Variants in STIM2 observed in about 807,000 individuals in gnomAD.
STIM2 encodes stromal interaction molecule 2.
In STIM2, 31 loss-of-function variants were observed where a neutral mutation model predicts 85.8. The observed-to-expected ratio is 0.36, with a 90% CI of 0.27 to 0.49. The LOEUF (loss-of-function observed/expected upper bound fraction) is 0.49, where lower values mean the gene tolerates loss of function less well. Among genes scored for constraint, STIM2 ranks in the 20% least tolerant of loss-of-function variants. STIM2 has a pLI of 0.98. For missense variants in STIM2, 841 were observed against 927.6 expected, an observed-to-expected ratio of 0.91 and a Z score of 1.21; for synonymous variants, 356 against 331.1, an observed-to-expected ratio of 1.08 and a Z score of -0.82.
intron 2 of STIM2, among the ~76,000 whole-genome samples, chr4:26,936,240 C>G (rs1287058192): frequency 1.3e-5 from 2 of 152,182 alleles, no homozygotes; most frequent in Non-Finnish European, 2.9e-5. Flanking sequence ...GTACTTATGT[C>G]CTTATGTCCT....
chr4:26,981,633 C>T (rs574956835), intron 3 of STIM2, among the ~76,000 whole-genome samples: 32 of 152,274 alleles, frequency 2.1e-4, no homozygotes, highest in African/African-American at 7.2e-4. Context: ...GCATTGTACC[C>T]GGTTGTCCTA....
At chr4:26,956,803 A>G (rs1381627230) in intron 2 of STIM2, among the ~76,000 whole-genome samples, 1 of 152,152 alleles carries the variant, frequency 6.6e-6, no homozygotes, top group East Asian at 1.9e-4. Flanking sequence ...GAGGCAGTAT[A>G]TTATGCTGTT....
chr4:26,882,245 C>T (rs1723037951), intron 1 of STIM2, among the ~76,000 whole-genome samples: 1 of 152,052 alleles, frequency 6.6e-6, no homozygotes, highest in African/African-American at 2.4e-5. Flanking sequence ...TAAAAATGTG[C>T]TATCATGAAA....
At chr4:26,981,277 T>G (rs546883853) in intron 3 of STIM2, among the ~76,000 whole-genome samples, 1 of 152,240 alleles carries the variant, frequency 6.6e-6, no homozygotes, top group South Asian at 2.1e-4. Flanking sequence ...AGTCAACAAG[T>G]ATATAGAGTT....
At chr4:26,963,251 TA>T (rs1726551137) in intron 3 of STIM2, among the ~76,000 whole-genome samples, 1 of 152,280 alleles carries the variant, frequency 6.6e-6, no homozygotes, top group East Asian at 1.9e-4. Flanking sequence ...AGGGAAGTTA[TA>T]AATATTTTAA....
At chr4:26,877,711 C>T (rs185054056) in intron 1 of STIM2, among the ~76,000 whole-genome samples, 38 of 152,130 alleles carry the variant, frequency 2.5e-4, no homozygotes, top group Admixed American at 6.5e-4. Flanking sequence ...ATTTCTCTGG[C>T]GGCAAGTTGC....
intron 1 of STIM2, among the ~76,000 whole-genome samples, chr4:26,907,511 A>G (rs1022829524): frequency 7.9e-5 from 12 of 152,150 alleles, no homozygotes; most frequent in Admixed American, 3.9e-4. Flanking sequence ...TAAAGAGGGT[A>G]TTAAAAAAAA....
chr4:26,976,674 C>T (rs200046916), intron 3 of STIM2, among the ~76,000 whole-genome samples: 59 of 151,848 alleles, frequency 3.9e-4, no homozygotes, highest in African/African-American at 1.3e-3. Context: ...GGGTGTGGTG[C>T]GCACCTGTAA....
At chr4:26,875,163 G>A (rs1722773039) in intron 1 of STIM2, among the ~76,000 whole-genome samples, 1 of 152,082 alleles carries the variant, frequency 6.6e-6, no homozygotes, top group African/African-American at 2.4e-5. Context: ...TTACTATCAA[G>A]TTTAACTTAG....
At chr4:26,901,666 G>C (rs190840808) in intron 1 of STIM2, among the ~76,000 whole-genome samples, 444 of 152,172 alleles carry the variant, frequency 2.9e-3, no homozygotes, top group African/African-American at 0.01. Flanking sequence ...TTTATTCACA[G>C]GAACCCATGA....
At chr4:26,887,240 T>G (rs1723288834) in intron 1 of STIM2, among the ~76,000 whole-genome samples, 1 of 146,420 alleles carries the variant, frequency 6.8e-6, no homozygotes, top group African/African-American at 2.5e-5. Context: ...CCTTTAAAAC[T>G]TAGAATTTAT....
intron 3 of STIM2, among the ~76,000 whole-genome samples, chr4:26,976,051 G>A (rs1727174407): frequency 6.6e-6 from 1 of 152,322 alleles, no homozygotes; most frequent in Non-Finnish European, 1.5e-5. Context: ...TGGGACCGCC[G>A]AACCAGGCAC....
At chr4:27,021,021 C>T (rs749822288) in intron 11 of STIM2, 4 of 1,536,230 alleles carry the variant, frequency 2.6e-6, no homozygotes, top group South Asian at 1.2e-5. Flanking sequence ...GGGCTCGGTG[C>T]GTGCAAAAGT....
intron 6 of STIM2, among the ~76,000 whole-genome samples, 178 bp downstream of exon 6, chr4:27,002,572 G>GT (rs1475918039): frequency 1.3e-5 from 2 of 152,192 alleles, no homozygotes; most frequent in African/African-American, 4.8e-5. Context: ...TATTATAAAT[G>GT]TGTATACTTG....
chr4:26,998,463 A>AT (rs1216250219), intron 4 of STIM2, among the ~76,000 whole-genome samples: 4 of 152,166 alleles, frequency 2.6e-5, no homozygotes, highest in African/African-American at 9.7e-5. Context: ...AAAAGTATAG[A>AT]TTTTTTGATA....
chr4:26,899,917 C>T (rs1723854465), intron 1 of STIM2, among the ~76,000 whole-genome samples: 1 of 152,148 alleles, frequency 6.6e-6, no homozygotes, highest in African/African-American at 2.4e-5. Context: ...CTACTTCTGG[C>T]TCTGCCAATT....
At chr4:26,956,727 ATTAT>A (rs1267584255) in intron 2 of STIM2, among the ~76,000 whole-genome samples, 2 of 152,156 alleles carry the variant, frequency 1.3e-5, no homozygotes, top group Non-Finnish European at 2.9e-5. Context: ...TGAGAAGATT[ATTAT>A]TTATTATGTT....
At chr4:26,959,114 A>G (rs1264984368) in intron 3 of STIM2, among the ~76,000 whole-genome samples, 4 of 152,182 alleles carry the variant, frequency 2.6e-5, no homozygotes, top group Non-Finnish European at 4.4e-5. Flanking sequence ...TAAAATGTAA[A>G]TTAGATCTGC....
intron 3 of STIM2, among the ~76,000 whole-genome samples, chr4:26,962,733 G>A (rs1378179521): frequency 6.6e-6 from 1 of 152,140 alleles, no homozygotes; most frequent in Non-Finnish European, 1.5e-5. Flanking sequence ...GATACATTGT[G>A]AGAATTACTG....
Sources: allele counts gnomAD v4.1 joint callset (sites outside exome capture counted in the v4.1 genomes callset), GRCh38; gene constraint gnomAD v4.1.1; transcripts MANE v1.5; gene names NCBI Gene and HGNC (gene_info 2026-07-23, HGNC 2026-07-21).